The following GPATCH2 variants were observed in gnomAD, a reference collection of about 807,000 sequenced individuals.
GPATCH2 encodes G-patch domain containing 2.
A neutral mutation model predicts 58.0 loss-of-function variants in GPATCH2; 51 were observed. The ratio of observed to expected loss-of-function variants is 0.88; its 90% CI spans 0.70 to 1.11. The LOEUF (loss-of-function observed/expected upper bound fraction) is 1.11. GPATCH2 is among the 50% of genes most tolerant of loss of function. The pLI is 0.00. For synonymous variants in GPATCH2, 222 were observed against 218.5 expected, an observed-to-expected ratio of 1.02 and a Z score of -0.14; for missense variants, 625 against 652.2, an observed-to-expected ratio of 0.96 and a Z score of 0.45.
rs1658473083 is a variant in GPATCH2 at position 217,430,332 on chromosome 1, C to T, written c.*813G>A. ...CTTGAGTTGATCTTAAAAATAATAT[C>T]AATCTTTGGGAAAACAGAGGTAGAA... On this transcript the variant is annotated 3_prime_UTR_variant, in exon 10 of 10. Transcript: ENST00000366935. 1.3e-5 allele frequency: 2 copies of T among 152,088 alleles called. No individual in the cohort carries two copies. The highest frequency in any genetic ancestry group is 6.5e-5 in the Admixed American group (1 of 15,276). 9.4% of individuals were successfully genotyped at this position (152,088 alleles called of 1,614,324 possible). A position where few individuals can be genotyped will look rare whatever the true frequency, so the allele number is the denominator to read the frequency against.
At chr1:217,524,583 G>A (rs1355471600) in intron 5 of GPATCH2, among the ~76,000 whole-genome samples, 2 of 151,820 alleles carry the variant, frequency 1.3e-5, no homozygotes, top group Non-Finnish European at 2.9e-5. Context: ...TGAGCACTGA[G>A]TGAAGGAGAC....
chr1:217,563,418 A>C (rs1459918175), intron 5 of GPATCH2, among the ~76,000 whole-genome samples: 1 of 152,206 alleles, frequency 6.6e-6, no homozygotes, highest in African/African-American at 2.4e-5. Context: ...ATGGTAAACA[A>C]ACATCTTTTT....
At position 217,615,575 on chromosome 1, in the gene GPATCH2, A is replaced by C. The variant is rs549707815; in HGVS notation, c.774-1373T>G. On this transcript the variant is annotated intron_variant, in intron 2 of 9. Coordinates refer to ENST00000366935, the MANE Select transcript of GPATCH2 (RefSeq NM_018040.5). ...TCCTCTTTCCTGTGTGCCCCCCATT[A>C]ACACAACTCAAATGAAGGGTCTCAT... Among the ~76,000 whole-genome samples the C allele has an allele frequency of 3.2e-4, 48 of 152,166 alleles. 1 individual carries two copies. Among genetic ancestry groups the C allele is most frequent in the African/African-American group, 9.9e-4 (41 of 41,542 alleles).
chr1:217,565,818 T>C (rs1455965000), intron 5 of GPATCH2, among the ~76,000 whole-genome samples: 1 of 152,120 alleles, frequency 6.6e-6, no homozygotes. Context: ...GAGAGATCTC[T>C]AGGCCAGGCG....
intron 5 of GPATCH2, among the ~76,000 whole-genome samples, chr1:217,554,371 T>C (rs1469138738): frequency 1.3e-5 from 2 of 152,180 alleles, no homozygotes; most frequent in Non-Finnish European, 2.9e-5. Flanking sequence ...CAGCATGTAG[T>C]ATGAAATAGG....
chr1:217,453,322 G>C (rs1659758721), intron 8 of GPATCH2, among the ~76,000 whole-genome samples: 1 of 152,136 alleles, frequency 6.6e-6, no homozygotes, highest in Non-Finnish European at 1.5e-5. Context: ...CAATCAACTA[G>C]ATATGTGTTT....
chr1:217,551,744 A>G (rs1330913833), intron 5 of GPATCH2, among the ~76,000 whole-genome samples: 1 of 152,156 alleles, frequency 6.6e-6, no homozygotes, highest in Non-Finnish European at 1.5e-5. Flanking sequence ...CCATTAACAC[A>G]ATAAAATGCT....
intron 9 of GPATCH2, among the ~76,000 whole-genome samples, chr1:217,441,138 G>A (rs545446350): frequency 1.3e-5 from 2 of 152,284 alleles, no homozygotes; most frequent in African/African-American, 4.8e-5. Context: ...AAACAGCATG[G>A]TACTGGTACT....
At chr1:217,527,912 T>C (rs1285382646) in intron 5 of GPATCH2, among the ~76,000 whole-genome samples, 2 of 152,102 alleles carry the variant, frequency 1.3e-5, no homozygotes, top group Non-Finnish European at 1.5e-5. Flanking sequence ...TATATAAAGA[T>C]TAAACAACTA....
intron 5 of GPATCH2, among the ~76,000 whole-genome samples, chr1:217,594,976 A>G (rs954917800): frequency 6.6e-6 from 1 of 152,208 alleles, no homozygotes. Flanking sequence ...AAGTAAAGGC[A>G]TTTCAGTAAC....
At chr1:217,444,954 CATT>C (rs1659317844) in intron 9 of GPATCH2, among the ~76,000 whole-genome samples, 1 of 152,126 alleles carries the variant, frequency 6.6e-6, no homozygotes, top group Admixed American at 6.5e-5. Context: ...AGTCTTCACT[CATT>C]ATTATTATTT....
chr1:217,516,646 G>A (rs1415879645), intron 5 of GPATCH2, among the ~76,000 whole-genome samples: 3 of 152,142 alleles, frequency 2.0e-5, no homozygotes, highest in Admixed American at 6.5e-5. Context: ...ATCTCATGGT[G>A]GACCTGACAC....
chr1:217,500,243 T>A (rs1321267524), intron 6 of GPATCH2, among the ~76,000 whole-genome samples: 5 of 152,116 alleles, frequency 3.3e-5, no homozygotes, highest in Admixed American at 2.6e-4. Flanking sequence ...CTGTTAGTTT[T>A]CAAATATTAA....
intron 5 of GPATCH2, among the ~76,000 whole-genome samples, chr1:217,579,846 A>G (rs570811945): frequency 3.9e-5 from 6 of 152,316 alleles, no homozygotes; most frequent in Non-Finnish European, 8.8e-5. Flanking sequence ...TACCAAATGA[A>G]ATGAGAAAAG....
At position 217,600,600 on chromosome 1, in the gene GPATCH2, G is replaced by C. The variant is rs568812268; in HGVS notation, c.1098+9721C>G. 3.1e-4 allele frequency among the ~76,000 whole-genome samples: 47 copies of C among 152,166 alleles called. 1 individual carries two copies. Among genetic ancestry groups the C allele is most frequent in the African/African-American group, 9.6e-4 (40 of 41,554 alleles). ...ATAATTGTATCAGAAACATAAAAGGGAGAAAAACAGAGTAGGAGCTTCCAA... is the reference window on the plus strand; with the variant it reads ...ATAATTGTATCAGAAACATAAAAGGCAGAAAAACAGAGTAGGAGCTTCCAA... On this transcript the variant is annotated intron_variant, in intron 5 of 9. Transcript: ENST00000366935.
At chr1:217,565,337 T>C (rs1666168160) in intron 5 of GPATCH2, among the ~76,000 whole-genome samples, 1 of 152,248 alleles carries the variant, frequency 6.6e-6, no homozygotes, top group Admixed American at 6.5e-5. Context: ...TTTGTATTTG[T>C]ATTTGTAACT....
At chr1:217,503,168 C>T (rs1246799849) in intron 6 of GPATCH2, among the ~76,000 whole-genome samples, 5 of 152,094 alleles carry the variant, frequency 3.3e-5, no homozygotes, top group African/African-American at 1.2e-4. Flanking sequence ...CATGAAGAAA[C>T]GTTTTAAGAA....
chr1:217,625,394 T>C (rs1316385287), intron 1 of GPATCH2, among the ~76,000 whole-genome samples: 2 of 152,196 alleles, frequency 1.3e-5, no homozygotes, highest in South Asian at 2.1e-4. Flanking sequence ...TGGGAGTTGA[T>C]TGATGGCCCA....
At chr1:217,523,797 G>A (rs1279714440) in intron 5 of GPATCH2, among the ~76,000 whole-genome samples, 6 of 134,618 alleles carry the variant, frequency 4.5e-5, no homozygotes, top group East Asian at 3.0e-4. Flanking sequence ...CTGGCCAGGT[G>A]GGGGGCTGAC....
Sources: gnomAD v4.1 joint callset for allele counts (sites outside exome capture counted in the v4.1 genomes callset) on GRCh38, gnomAD v4.1.1 for gene constraint, MANE v1.5 for transcripts, NCBI Gene and HGNC (gene_info 2026-07-23, HGNC 2026-07-21) for gene names.